Variants in FBXO25 observed in about 807,000 individuals in gnomAD.
FBXO25 encodes the protein F-box only protein 25.
Under a neutral mutation model 51.9 loss-of-function variants are expected in FBXO25, and 45 were observed. That is an observed-to-expected ratio of 0.87 (90% CI 0.68 to 1.11). FBXO25 has a LOEUF of 1.11. Ranked by LOEUF, FBXO25 falls within the 50% of genes most tolerant of loss-of-function variation. The pLI is 0.00. For missense variants in FBXO25, 507 were observed against 428.5 expected, an observed-to-expected ratio of 1.18 and a Z score of -1.62; for synonymous variants, 199 against 151.0, an observed-to-expected ratio of 1.32 and a Z score of -2.33.
rs553648261 is a variant in FBXO25, at chr8:409,904, C to G, written c.-8+2838C>G. Among the ~76,000 whole-genome samples, 194 of 152,308 alleles carry G rather than the reference C, an allele frequency of 1.3e-3. 1 individual carries two copies. The highest frequency in any genetic ancestry group is 3.4e-3 in the Middle Eastern group (1 of 292). ...TTGATATTCTTCTATGACCTGGCTT[C>G]TAGTCGCTTATGTACCAGTCCTCTG... On this transcript the variant is annotated intron_variant, in intron 1 of 9. Transcript: ENST00000350302.
intron 2 of FBXO25, among the ~76,000 whole-genome samples, chr8:423,600 T>A (rs1272035010): frequency 6.6e-6 from 1 of 152,176 alleles, no homozygotes; most frequent in African/African-American, 2.4e-5. Flanking sequence ...GCTCCATCCA[T>A]GTTGCTGCAA....
In FBXO25 at chr8:476,733, T is replaced by C. The variant is rs1054279075; in HGVS notation, c.*7929T>C. Reference sequence around the variant, plus strand: ...TTTAGTTGTTTTTCTTAGTCACTCTTAGCTATCAACAAACTCTTGGTTTCA... The same window carrying C: ...TTTAGTTGTTTTTCTTAGTCACTCTCAGCTATCAACAAACTCTTGGTTTCA... On this transcript the variant is annotated 3_prime_UTR_variant, in exon 10 of 10. Transcript: ENST00000350302. The C allele has an allele frequency of 4.6e-5, 7 of 152,254 alleles. No homozygotes were observed. Among genetic ancestry groups the C allele is most frequent in the African/African-American group, 1.7e-4 (7 of 41,568 alleles). 9.4% of individuals were successfully genotyped at this position (152,254 alleles called of 1,614,324 possible). A position where few individuals can be genotyped will look rare whatever the true frequency, so the allele number is the denominator to read the frequency against.
chr8:433,175 T>C (rs901078936), intron 4 of FBXO25, among the ~76,000 whole-genome samples: 12 of 152,150 alleles, frequency 7.9e-5, no homozygotes, highest in African/African-American at 2.7e-4. Flanking sequence ...CATTTGTGTG[T>C]GTTGTGTGTA....
At chr8:461,911 T>C (rs1225864908) in intron 8 of FBXO25, among the ~76,000 whole-genome samples, 1 of 152,256 alleles carries the variant, frequency 6.6e-6, no homozygotes, top group Non-Finnish European at 1.5e-5. Context: ...GATTGACATT[T>C]AGTTTGTTTG....
In FBXO25 at chr8:471,485, A is replaced by G. The variant is rs1265310787; in HGVS notation, c.*2681A>G. The G allele has an allele frequency of 6.6e-6, 1 of 152,226 alleles. No individual in the cohort carries two copies. Among genetic ancestry groups the G allele is most frequent in the African/African-American group, 2.4e-5 (1 of 41,464 alleles). The allele number at this position is 152,226 out of a possible 1,614,324, so 9.4% of individuals were successfully genotyped here. A position where few individuals can be genotyped will look rare whatever the true frequency, so the allele number is the denominator to read the frequency against. On this transcript the variant is annotated 3_prime_UTR_variant, in exon 10 of 10. Transcript: ENST00000350302. Reference sequence around the variant, plus strand: ...TCCTGTGAGATTAAGTTACATTCTGATGCCTTCATTACAATGAAGTAGATA... The same window carrying G: ...TCCTGTGAGATTAAGTTACATTCTGGTGCCTTCATTACAATGAAGTAGATA...
chr8:461,249 G>T (rs1318456258), intron 8 of FBXO25, among the ~76,000 whole-genome samples: 1 of 152,198 alleles, frequency 6.6e-6, no homozygotes, highest in Non-Finnish European at 1.5e-5. Flanking sequence ...TACAGTCGAT[G>T]TTAGGATATT....
At position 473,948 on chromosome 8, in the gene FBXO25, G is replaced by A. The variant is rs4735844; in HGVS notation, c.*5144G>A. 77,383 of 152,048 alleles carry A rather than the reference G, an allele frequency of 0.51. 19,753 individuals are homozygous for A. The highest frequency in any genetic ancestry group is 0.61 in the Middle Eastern group (180 of 294). 9.4% of individuals were successfully genotyped at this position (152,048 alleles called of 1,614,324 possible). A position where few individuals can be genotyped will look rare whatever the true frequency, so the allele number is the denominator to read the frequency against. ...AAGAATTTGACATGTTAAAATACAC[G>A]TGAAATTTACCATCTTACCTATTTT... On this transcript the variant is annotated 3_prime_UTR_variant, in exon 10 of 10. Transcript: ENST00000350302.
intron 5 of FBXO25, among the ~76,000 whole-genome samples, chr8:445,695 T>C (rs1033968140): frequency 6.6e-6 from 1 of 152,042 alleles, no homozygotes; most frequent in African/African-American, 2.4e-5. Context: ...CTACTAAAAA[T>C]ACAGAACTTA....
intron 2 of FBXO25, among the ~76,000 whole-genome samples, chr8:417,213 G>C (rs1222173520): frequency 6.6e-6 from 1 of 152,216 alleles, no homozygotes; most frequent in African/African-American, 2.4e-5. Flanking sequence ...AAGGACTTGG[G>C]CTTTTCTGAG....
At chr8:448,068 A>G (rs1798849938) in intron 5 of FBXO25, among the ~76,000 whole-genome samples, 1 of 152,216 alleles carries the variant, frequency 6.6e-6, no homozygotes, top group South Asian at 2.1e-4. Flanking sequence ...TGAAACCGTA[A>G]TCATGAGTTT....
intron 1 of FBXO25, among the ~76,000 whole-genome samples, chr8:407,750 A>G (rs1796250943): frequency 6.8e-6 from 1 of 146,878 alleles, no homozygotes; most frequent in African/African-American, 2.5e-5. Context: ...TTTTTTCCCT[A>G]CTCCTGGTCT....
intron 1 of FBXO25, chr8:407,520 C>T (rs1431053672): frequency 2.3e-6 from 2 of 865,438 alleles, no homozygotes; most frequent in South Asian, 5.3e-5. Flanking sequence ...CGTCCTCAGC[C>T]GCTTCCCCTG....
intron 5 of FBXO25, among the ~76,000 whole-genome samples, chr8:444,844 A>G (rs1047123998): frequency 7.9e-5 from 12 of 152,222 alleles, no homozygotes; most frequent in Middle Eastern, 3.2e-3. Flanking sequence ...ATAGGTCTGT[A>G]GCCTAGCTGT....
chr8:431,528 A>G (rs1797821353), intron 3 of FBXO25, 84 bp downstream of exon 3: 7 of 693,652 alleles, frequency 1.0e-5, no homozygotes, highest in Non-Finnish European at 1.7e-5. Context: ...CTTATGAAAT[A>G]AAAGGTGATA....
chr8:448,933 A>C (rs945927999), intron 5 of FBXO25, among the ~76,000 whole-genome samples: 36 of 152,358 alleles, frequency 2.4e-4, no homozygotes, highest in African/African-American at 7.5e-4. Flanking sequence ...AGTACAAAAT[A>C]GTGCAAACAT....
At chr8:439,055 G>C (rs903243947) in intron 5 of FBXO25, among the ~76,000 whole-genome samples, 12 of 152,258 alleles carry the variant, frequency 7.9e-5, no homozygotes, top group Non-Finnish European at 1.3e-4. Flanking sequence ...CATGAACTCA[G>C]AGGTGCCCAG....
At chr8:463,898 C>G (rs1409563896) in intron 9 of FBXO25, among the ~76,000 whole-genome samples, 2 of 152,148 alleles carry the variant, frequency 1.3e-5, no homozygotes, top group South Asian at 2.1e-4. Context: ...ACTGCAGCCT[C>G]TACCTCCTGC....
chr8:447,397 G>A (rs897467624), intron 5 of FBXO25, among the ~76,000 whole-genome samples: 4 of 152,134 alleles, frequency 2.6e-5, no homozygotes, highest in African/African-American at 7.2e-5. Flanking sequence ...GAAGGTGACC[G>A]TCACCGCATG....
intron 9 of FBXO25, 120 bp from the exon 10 acceptor site, chr8:468,595 G>A: frequency 1.4e-6 from 1 of 700,924 alleles, no homozygotes; most frequent in Non-Finnish European, 2.4e-6. Context: ...TATCTCCCAT[G>A]TACCTCTGAG....
Sources: allele counts gnomAD v4.1 joint callset (sites outside exome capture counted in the v4.1 genomes callset), GRCh38; gene constraint gnomAD v4.1.1; transcripts MANE v1.5; gene names NCBI Gene and HGNC (gene_info 2026-07-23, HGNC 2026-07-21).